EPN1: variants seen among roughly 807,000 people sequenced by gnomAD.
EPN1 encodes epsin-1.
In EPN1, 25 loss-of-function variants were observed where a neutral mutation model predicts 56.9. The ratio of observed to expected loss-of-function variants is 0.44; its 90% CI spans 0.32 to 0.61. EPN1 has a LOEUF of 0.61. Among genes scored for constraint, EPN1 ranks in the 20% least tolerant of loss-of-function variants. The pLI, the probability that EPN1 is intolerant of heterozygous loss-of-function variation, is 0.05. For synonymous variants in EPN1, 411 were observed against 361.8 expected, an observed-to-expected ratio of 1.14 and a Z score of -1.54; for missense variants, 785 against 823.7, an observed-to-expected ratio of 0.95 and a Z score of 0.58.
At chr19:55,675,673 T>G (rs1985352370) in intron 1 of EPN1, among the ~76,000 whole-genome samples, 1 of 152,156 alleles carries the variant, frequency 6.6e-6, no homozygotes, top group African/African-American at 2.4e-5. Context: ...CCTGTTTCAG[T>G]GAACTTAGAA....
intron 1 of EPN1, chr19:55,677,127 C>T (rs752417436): frequency 1.2e-4 from 185 of 1,550,792 alleles, no homozygotes; most frequent in Non-Finnish European, 1.6e-4. Context: ...TACATCATGG[C>T]GGGGCTTTGA....
chr19:55,688,849 CG>C lies in EPN1; in HGVS notation c.479-20del. On this transcript the variant is annotated intron_variant, in intron 3 of 10. Coordinates refer to ENST00000270460, the MANE Select transcript of EPN1 (RefSeq NM_001130072.2). ...CTCGTTCCCTGGTCTGGGTCTCACG[CG>C]TTTCTCACCCGCCCTCCAGCCTCAT... 1 of 1,569,576 alleles carries C rather than the reference CG, an allele frequency of 6.4e-7. No individual in the cohort carries two copies. Among genetic ancestry groups the C allele is most frequent in the Non-Finnish European group, 8.6e-7 (1 of 1,157,808 alleles).
At chr19:55,676,885 G>C in intron 1 of EPN1, 1 of 325,250 alleles carries the variant, frequency 3.1e-6, no homozygotes, top group Non-Finnish European at 5.7e-6. Flanking sequence ...AGCTCCCTCT[G>C]CCCAGGTTTC....
intron 2 of EPN1, among the ~76,000 whole-genome samples, chr19:55,683,218 G>A (rs1230830635): frequency 6.6e-6 from 1 of 150,822 alleles, no homozygotes; most frequent in East Asian, 1.9e-4. Context: ...ACAATGCCTG[G>A]CTAATTTTTT....
At chr19:55,690,369 G>T (rs1235385511) in intron 6 of EPN1, among the ~76,000 whole-genome samples, 1 of 152,268 alleles carries the variant, frequency 6.6e-6, no homozygotes, top group African/African-American at 2.4e-5. Flanking sequence ...CTGTTGGTGA[G>T]CGAGGAGGCA....
At chr19:55,681,327 A>G (rs1425962479) in intron 2 of EPN1, among the ~76,000 whole-genome samples, 3 of 152,216 alleles carry the variant, frequency 2.0e-5, no homozygotes, top group Non-Finnish European at 4.4e-5. Context: ...TCTGTTTTCC[A>G]GATGAGGGAA....
At chr19:55,676,407 G>C (rs1568561524) in intron 1 of EPN1, among the ~76,000 whole-genome samples, 1 of 152,184 alleles carries the variant, frequency 6.6e-6, no homozygotes, top group Non-Finnish European at 1.5e-5. Context: ...AGAAATCTCA[G>C]CTTTGATGTG....
chr19:55,688,661 G>A (rs1986323142), intron 3 of EPN1, among the ~76,000 whole-genome samples: 2 of 151,486 alleles, frequency 1.3e-5, no homozygotes, highest in Admixed American at 6.6e-5. Flanking sequence ...CCTCCCGTGG[G>A]TGGGGCTGCC....
At position 55,705,114 on chromosome 19, in the gene EPN1, C is replaced by T. The variant is rs1987330031; in HGVS notation, c.*9758C>T. On this transcript the variant is annotated 3_prime_UTR_variant, in exon 11 of 11. Coordinates refer to ENST00000270460, the MANE Select transcript of EPN1 (RefSeq NM_001130072.2). ...TGGGCTGCAGAGGTTGGAAGCCTCA[C>T]TGGCCTGAGGTTTCTGAGTAAGCTC... 1 of 152,264 alleles carries T rather than the reference C, an allele frequency of 6.6e-6. No individual in the cohort carries two copies. Among genetic ancestry groups the T allele is most frequent in the Non-Finnish European group, 1.5e-5 (1 of 68,060 alleles). The allele number at this position is 152,264 out of a possible 1,614,324, so 9.4% of individuals were successfully genotyped here.
In EPN1 at chr19:55,691,820, G is replaced by C. The variant is rs764229031; in HGVS notation, c.829G>C (p.Gly277Arg). Residue 277 changes from glycine to arginine, a missense_variant, in exon 7 of 11, where the codon GGG becomes CGG. Gly to Arg is a moderately radical substitution (Grantham distance 125). Around this residue, in one of 2 missense-constraint regions of EPN1, gnomAD observed 650 missense variants for 605.0 expected, o/e 1.07. Transcript: ENST00000270460. This position sits in a 1 kb window ranked among gnomAD's most constrained non-coding sequence, Gnocchi z 5.6. ...PAPAPTTDPW[G>R]GPAPMAAAVP... ...TCCTGCCCCGACCACAGACCCCTGG[G>C]GGGGCCCAGCACCCATGGCTGCTGC... The C allele has an allele frequency of 6.2e-7, 1 of 1,610,560 alleles. No homozygotes were observed. Among genetic ancestry groups the C allele is most frequent in the Non-Finnish European group, 8.5e-7 (1 of 1,177,814 alleles).
At position 55,694,288 on chromosome 19, in the gene EPN1, G is replaced by A. The variant is rs548247166; in HGVS notation, c.1265-438G>A. On this transcript the variant is annotated intron_variant, in intron 9 of 10. Transcript: ENST00000270460. The surrounding 1 kb of genome is among the most constrained non-coding windows in gnomAD (Gnocchi z 4.2). Reference sequence around the variant, plus strand: ...CCAACAGATGTCTTCACGCTGGCCCGGAACACGTGTCTGTGCTGTCTGTCC... The same window carrying A: ...CCAACAGATGTCTTCACGCTGGCCCAGAACACGTGTCTGTGCTGTCTGTCC... 1.5e-3 allele frequency: 246 copies of A among 165,608 alleles called. 1 individual carries two copies. The highest frequency in any genetic ancestry group is 8.3e-3 in the Middle Eastern group (3 of 362). 10.3% of individuals were successfully genotyped at this position (165,608 alleles called of 1,614,324 possible). A position where few individuals can be genotyped will look rare whatever the true frequency, so the allele number is the denominator to read the frequency against.
At position 55,691,694 on chromosome 19, in the gene EPN1, G is replaced by A; in HGVS notation, c.763-60G>A. 2 of 1,526,582 alleles carry A rather than the reference G, an allele frequency of 1.3e-6. No individual in the cohort carries two copies. The highest frequency in any genetic ancestry group is 1.8e-6 in the Non-Finnish European group (2 of 1,115,048). The allele number at this position is 1,526,582 out of a possible 1,614,324, so 94.6% of individuals were successfully genotyped here. A position where few individuals can be genotyped will look rare whatever the true frequency, so the allele number is the denominator to read the frequency against. On this transcript the variant is annotated intron_variant, in intron 6 of 10. Transcript: ENST00000270460. This position sits in a 1 kb window ranked among gnomAD's most constrained non-coding sequence, Gnocchi z 5.6. ...CTCCCCCGCCACGGGCCCCAGCTTG[G>A]TCCCTGTCCCAGGCTTCCCACCACT...
At chr19:55,687,867 TG>T (rs1375022824) in intron 3 of EPN1, among the ~76,000 whole-genome samples, 2 of 152,146 alleles carry the variant, frequency 1.3e-5, no homozygotes, top group African/African-American at 4.8e-5. Context: ...TGGGGGCCCC[TG>T]GACCCGGTGC....
intron 2 of EPN1, among the ~76,000 whole-genome samples, chr19:55,681,807 T>C (rs1985837138): frequency 6.6e-6 from 1 of 152,124 alleles, no homozygotes; most frequent in Non-Finnish European, 1.5e-5. Flanking sequence ...GCAAACTTTT[T>C]TTTTTTTTAA....
intron 1 of EPN1, among the ~76,000 whole-genome samples, chr19:55,676,112 A>G (rs1489311607): frequency 6.6e-6 from 1 of 152,186 alleles, no homozygotes; most frequent in Non-Finnish European, 1.5e-5. Context: ...CATAGTTCGT[A>G]GGCATTCGTA....
chr19:55,693,180 C>T (rs1986693192), intron 9 of EPN1, 143 bp downstream of exon 9: 2 of 633,620 alleles, frequency 3.2e-6, no homozygotes, highest in Non-Finnish European at 5.4e-6. Context: ...TAGAGTGGGC[C>T]AGAACCATCC....
chr19:55,685,718 G>A lies in EPN1; in HGVS notation c.478+73G>A, dbSNP rs559596220. ...CTACTGCGGCTCCCGGCACCCGGCC[G>A]CCCACTGCTTTCTCTCCCAGCCAGG... On this transcript the variant is annotated intron_variant, in intron 3 of 10. Transcript: ENST00000270460. The A allele has an allele frequency of 2.5e-5, 38 of 1,513,640 alleles. No individual in the cohort carries two copies. In the Admixed American group the frequency reaches 3.0e-4, roughly 12 times the overall value. The allele number at this position is 1,513,640 out of a possible 1,614,324, so 93.8% of individuals were successfully genotyped here.
intron 2 of EPN1, among the ~76,000 whole-genome samples, chr19:55,682,889 T>C (rs1344434515): frequency 6.6e-6 from 1 of 151,882 alleles, no homozygotes; most frequent in Non-Finnish European, 1.5e-5. Context: ...CCCGAGTAGC[T>C]GGGATTACAG....
At position 55,694,219 on chromosome 19, in the gene EPN1, GAA is replaced by G. The variant is rs1197784744; in HGVS notation, c.1265-484_1265-483del. 613 of 52,622 alleles carry G rather than the reference GAA, an allele frequency of 0.012. 4 individuals carry two copies. The highest frequency in any genetic ancestry group is 0.019 in the Non-Finnish European group (457 of 24,376). 3.3% of individuals were successfully genotyped at this position (52,622 alleles called of 1,614,324 possible). On this transcript the variant is annotated intron_variant, in intron 9 of 10. Transcript: ENST00000270460. The surrounding 1 kb of genome is among the most constrained non-coding windows in gnomAD (Gnocchi z 4.2). Reference sequence around the variant, plus strand: ...GGGAAACGAGCGACACTCCGTCTCAGAAAAAAAAAAAAAAAAAAAAAAAACAG... The same window carrying G: ...GGGAAACGAGCGACACTCCGTCTCAGAAAAAAAAAAAAAAAAAAAAAACAG...
Sources: gnomAD v4.1 joint callset for allele counts (sites outside exome capture counted in the v4.1 genomes callset) on GRCh38, gnomAD v4.1.1 for gene constraint, gnomAD v4.1.1 regional missense constraint, Gnocchi (gnomAD v3.1) non-coding constraint, MANE v1.5 for transcripts, NCBI Gene and HGNC (gene_info 2026-07-23, HGNC 2026-07-21) for gene names.